Variants in ADGRL2 observed in about 807,000 individuals in gnomAD.
The protein encoded by ADGRL2 is adhesion G protein-coupled receptor L2, also known as calcium-independent alpha-latrotoxin receptor 2.
ADGRL2 carries 44 observed loss-of-function variants against 157.4 expected under a neutral mutation model. The ratio of observed to expected loss-of-function variants is 0.28; its 90% CI spans 0.22 to 0.36. The LOEUF (loss-of-function observed/expected upper bound fraction) is 0.36. Ranked by LOEUF, ADGRL2 falls within the 10% of genes least tolerant of loss-of-function variation. The pLI is 1.00. For missense variants in ADGRL2, 1,510 were observed against 1,768.9 expected (o/e 0.85, Z 2.63); for synonymous variants, 585 against 624.7 (o/e 0.94, Z 0.95).
intron 3 of ADGRL2, among the ~76,000 whole-genome samples, chr1:81,914,902 T>A (rs2094819359): frequency 6.6e-6 from 1 of 152,152 alleles, no homozygotes; most frequent in Non-Finnish European, 1.5e-5. Flanking sequence ...AGCAAAGCAC[T>A]CATAGGAAGG....
chr1:81,921,902 TG>T (rs3842541), intron 3 of ADGRL2, among the ~76,000 whole-genome samples: 60,548 of 151,914 alleles, frequency 0.4, 13,440 homozygotes, highest in East Asian at 0.79. Flanking sequence ...TAGAAGCAAA[TG>T]TGCCAAACAC....
intron 11 of ADGRL2, among the ~76,000 whole-genome samples, chr1:81,963,118 A>G (rs1194789206): frequency 6.6e-6 from 1 of 151,848 alleles, no homozygotes; most frequent in Non-Finnish European, 1.5e-5. Context: ...TCTTATTTTT[A>G]GTGTCTTGCA....
At chr1:81,777,941 C>T (rs1456261588) in intron 2 of ADGRL2, among the ~76,000 whole-genome samples, 1 of 152,118 alleles carries the variant, frequency 6.6e-6, no homozygotes, top group East Asian at 1.9e-4. Context: ...TGGTATACCC[C>T]TTGAAAAGCC....
intron 2 of ADGRL2, among the ~76,000 whole-genome samples, chr1:81,535,104 A>G (rs1161372091): frequency 1.3e-5 from 2 of 152,084 alleles, no homozygotes; most frequent in Non-Finnish European, 2.9e-5. Context: ...GTTGTTTAGT[A>G]CTTTAGTCCA....
intron 14 of ADGRL2, 61 bp from the exon 15 acceptor site, chr1:81,969,113 GCTGT>G (rs1302915356): frequency 3.5e-6 from 4 of 1,144,520 alleles, no homozygotes; most frequent in South Asian, 1.3e-5. Flanking sequence ...ACATGTGAAA[GCTGT>G]CTTTCTTCTA....
At chr1:81,831,746 G>C (rs1460326536) in intron 1 of ADGRL2, among the ~76,000 whole-genome samples, 1 of 152,082 alleles carries the variant, frequency 6.6e-6, no homozygotes, top group Non-Finnish European at 1.5e-5. Flanking sequence ...ACTAGGACGA[G>C]TTATTTTTAA....
intron 2 of ADGRL2, among the ~76,000 whole-genome samples, chr1:81,766,601 C>T (rs376109169): frequency 1.3e-4 from 20 of 151,984 alleles, no homozygotes; most frequent in South Asian, 4.2e-4. Flanking sequence ...GAGGCCGAAG[C>T]GGGCAGATCA....
At chr1:81,730,074 G>A (rs1488845507) in intron 1 of ADGRL2, among the ~76,000 whole-genome samples, 2 of 152,092 alleles carry the variant, frequency 1.3e-5, no homozygotes, top group African/African-American at 2.4e-5. Context: ...ATCCTAGGAA[G>A]GCACAACTGT....
At chr1:81,699,949 A>G (rs1205347979) in intron 1 of ADGRL2, 1 of 152,278 alleles carries the variant, frequency 6.6e-6, no homozygotes, top group East Asian at 1.9e-4. Context: ...TGAGGGATAG[A>G]ATTGTCTGGT....
chr1:81,474,862 A>G (rs902186360), intron 2 of ADGRL2, among the ~76,000 whole-genome samples: 3 of 152,136 alleles, frequency 2.0e-5, no homozygotes, highest in Admixed American at 2.0e-4. Flanking sequence ...TTTGAGTATG[A>G]TGAATACTTT....
intron 3 of ADGRL2, among the ~76,000 whole-genome samples, chr1:81,645,359 TC>T (rs2082292977): frequency 7.2e-6 from 1 of 138,388 alleles, no homozygotes; most frequent in African/African-American, 2.7e-5. Flanking sequence ...ACCACTGCAT[TC>T]CATTCCAGCC....
At chr1:81,860,917 C>T (rs2093367049) in intron 2 of ADGRL2, among the ~76,000 whole-genome samples, 1 of 150,990 alleles carries the variant, frequency 6.6e-6, no homozygotes, top group Non-Finnish European at 1.5e-5. Context: ...GGTGATTGTT[C>T]TTAAGTATGC....
intron 1 of ADGRL2, among the ~76,000 whole-genome samples, chr1:81,727,962 G>A (rs1426348947): frequency 3.9e-5 from 6 of 151,984 alleles, no homozygotes; most frequent in Admixed American, 3.9e-4. Flanking sequence ...CCAGTGTGTA[G>A]GACAATGTTT....
chr1:81,448,741 A>G (rs1323139518), intron 2 of ADGRL2, among the ~76,000 whole-genome samples: 1 of 151,966 alleles, frequency 6.6e-6, no homozygotes, highest in Non-Finnish European at 1.5e-5. Context: ...TTTAAATTGG[A>G]CCCTCCTCAT....
chr1:81,755,163 T>TATAG (rs1553149546), intron 1 of ADGRL2, among the ~76,000 whole-genome samples: 2 of 144,982 alleles, frequency 1.4e-5, no homozygotes, highest in Non-Finnish European at 3.0e-5. Context: ...TATATATATA[T>TATAG]ATTTAAAGAT....
At chr1:81,412,937 T>C (rs2076972264) in intron 1 of ADGRL2, among the ~76,000 whole-genome samples, 1 of 152,234 alleles carries the variant, frequency 6.6e-6, no homozygotes, top group Non-Finnish European at 1.5e-5. Flanking sequence ...TACTATTCTT[T>C]TTTCTATTGT....
chr1:81,406,751 T>G (rs2076860454), intron 1 of ADGRL2, among the ~76,000 whole-genome samples: 1 of 152,156 alleles, frequency 6.6e-6, no homozygotes, highest in African/African-American at 2.4e-5. Context: ...AGTCACAGAC[T>G]TTGGGGAAAG....
intron 1 of ADGRL2, among the ~76,000 whole-genome samples, chr1:81,369,740 C>T (rs1212271061): frequency 6.6e-6 from 1 of 151,984 alleles, no homozygotes; most frequent in Non-Finnish European, 1.5e-5. Context: ...AAAGCCACGG[C>T]AGAAAAACAT....
At chr1:81,383,006 G>A (rs955904271) in intron 1 of ADGRL2, among the ~76,000 whole-genome samples, 1 of 152,126 alleles carries the variant, frequency 6.6e-6, no homozygotes, top group African/African-American at 2.4e-5. Context: ...ACTTGTATGT[G>A]TTAAGCACAT....
Sources: allele counts gnomAD v4.1 joint callset (sites outside exome capture counted in the v4.1 genomes callset), GRCh38; gene constraint gnomAD v4.1.1; transcripts MANE v1.5; gene names NCBI Gene and HGNC (gene_info 2026-07-23, HGNC 2026-07-21).